MCM10: variants seen among roughly 807,000 people sequenced by gnomAD.
MCM10 encodes protein MCM10 homolog.
A neutral mutation model predicts 109.9 loss-of-function variants in MCM10; 91 were observed. That is an observed-to-expected ratio of 0.83 (90% CI 0.70 to 0.99). The LOEUF is 0.99. MCM10 is among the 50% of genes least tolerant of loss of function. The pLI is 0.00. For synonymous variants in MCM10, 380 were observed against 387.2 expected (o/e 0.98, Z 0.22); for missense variants, 1,077 against 1,061.2 (o/e 1.01, Z -0.21).
intron 16 of MCM10, among the ~76,000 whole-genome samples, chr10:13,200,687 T>A (rs1564393096): frequency 6.6e-6 from 1 of 152,210 alleles, no homozygotes; most frequent in Non-Finnish European, 1.5e-5. Context: ...CTCAGGGCTG[T>A]TCCCTGATGT....
chr10:13,202,724 C>T (rs1380839879), intron 17 of MCM10, among the ~76,000 whole-genome samples: 1 of 152,226 alleles, frequency 6.6e-6, no homozygotes, highest in Non-Finnish European at 1.5e-5. Flanking sequence ...ACAGCTCTTA[C>T]TCTGACACAG....
rs1834067847 is a variant in MCM10, at chr10:13,171,183, T to G, written c.269T>G (p.Val90Gly). ...DMEDLTDEEE[V>G]PASQSTENRV... The stretch of plus-strand genomic sequence containing the variant: ...GAGGACTTAACAGATGAAGAAGAAG[T>G]TCCCGCATCACAGTCAACTGAAAAT... Residue 90 changes from valine (V) to glycine (G), a missense_variant, in exon 3 of 20, where the codon GTT becomes GGT. Val to Gly is a moderately radical substitution (Grantham distance 109, BLOSUM62 -3). Coordinates refer to ENST00000378714, the MANE Select transcript of MCM10 (RefSeq NM_018518.5). 1.9e-6 allele frequency: 3 copies of G among 1,614,078 alleles called. No homozygotes were observed. Among genetic ancestry groups the G allele is most frequent in the Non-Finnish European group, 2.5e-6 (3 of 1,179,992 alleles).
At chr10:13,193,877 T>C (rs889813261) in intron 13 of MCM10, among the ~76,000 whole-genome samples, 1 of 152,162 alleles carries the variant, frequency 6.6e-6, no homozygotes, top group Admixed American at 6.5e-5. Context: ...TAGGATTTGA[T>C]AGGCAGTTTG....
chr10:13,170,376 TA>T (rs1397623366), intron 2 of MCM10, among the ~76,000 whole-genome samples: 1 of 150,722 alleles, frequency 6.6e-6, no homozygotes, highest in Non-Finnish European at 1.5e-5. Flanking sequence ...TTTTTTTTTT[TA>T]AATCTCAAAT....
intron 14 of MCM10, 142 bp downstream of exon 14, chr10:13,195,411 T>A (rs1834404283): frequency 1.5e-6 from 1 of 649,772 alleles, no homozygotes; most frequent in Non-Finnish European, 2.6e-6. Flanking sequence ...GTCAACATAA[T>A]ACTAAAAGAA....
intron 1 of MCM10, among the ~76,000 whole-genome samples, chr10:13,163,713 A>T (rs574906583): frequency 6.6e-6 from 1 of 152,152 alleles, no homozygotes; most frequent in Admixed American, 6.5e-5. Context: ...GTAATTTTTA[A>T]AAAAGACAAG....
Position 13,204,349 on chromosome 10 carries a change from C to T in MCM10, c.2483C>T (p.Pro828Leu), listed in dbSNP as rs148330476. The change falls in exon 18 of 20, where the codon CCG becomes CTG. Residue 828 changes from proline to leucine, a missense_variant. Transcript: ENST00000378714. ...GNRSISLDRL[P>L]NKHCSNCGLY... ...AGAAGCATCTCCTTGGACAGACTCC[C>T]GAACAAGCACTGCAGGTATGAGAAT... 1.8e-4 allele frequency: 290 copies of T among 1,614,142 alleles called. No individual in the cohort carries two copies. Among genetic ancestry groups the T allele is most frequent in the African/African-American group, 1.8e-3 (132 of 75,038 alleles).
chr10:13,192,247 T>C lies in MCM10; in HGVS notation c.1517-8T>C. 6.3e-7 allele frequency: 1 copy of C among 1,597,670 alleles called. No individual in the cohort carries two copies. On this transcript the variant is annotated splice_region_variant and splice_polypyrimidine_tract_variant and intron_variant, in intron 11 of 19. Coordinates refer to ENST00000378714, the MANE Select transcript of MCM10 (RefSeq NM_018518.5). The stretch of plus-strand genomic sequence containing the variant: ...GAATCCTCTAAAGCTGGTGTTGACC[T>C]GGCACAGGAATACCCCAGAAGAGCC...
At chr10:13,179,661 T>C (rs1834184583) in intron 6 of MCM10, among the ~76,000 whole-genome samples, 2 of 152,170 alleles carry the variant, frequency 1.3e-5, no homozygotes, top group Non-Finnish European at 2.9e-5. Flanking sequence ...ACTCAGTCAT[T>C]AGGAATAAGA....
chr10:13,202,026 G>C (rs1437721739), intron 17 of MCM10, among the ~76,000 whole-genome samples: 1 of 152,182 alleles, frequency 6.6e-6, no homozygotes, highest in Non-Finnish European at 1.5e-5. Flanking sequence ...AAATCTGTTA[G>C]AAAATTCTAA....
In MCM10 at chr10:13,164,199, C is replaced by T. The variant is rs1468156670; in HGVS notation, c.-4C>T. The T allele has an allele frequency of 6.9e-6, 11 of 1,597,718 alleles. No individual in the cohort carries two copies. Among genetic ancestry groups the T allele is most frequent in the Non-Finnish European group, 9.4e-6 (11 of 1,175,446 alleles). On this transcript the variant is annotated 5_prime_UTR_variant, in exon 2 of 20. Transcript: ENST00000378714. ...TTTCCTGTCACAACTGTCCTCTTGACAGCATGGATGGTAAGACCTGGCAGT... is the reference window on the plus strand; with the variant it reads ...TTTCCTGTCACAACTGTCCTCTTGATAGCATGGATGGTAAGACCTGGCAGT...
chr10:13,171,276 C>T lies in MCM10; in HGVS notation c.349+13C>T. 1.3e-6 allele frequency: 2 copies of T among 1,582,200 alleles called. No homozygotes were observed. The highest frequency in any genetic ancestry group is 1.7e-6 in the Non-Finnish European group (2 of 1,165,438). On this transcript the variant is annotated intron_variant, in intron 3 of 19. Transcript: ENST00000378714. Reference sequence around the variant, plus strand: ...GAAGAGTTGCAAGGTGCCCTAACTACTTGCCTTCCTTATTTCTTTCGGATA... The same window carrying T: ...GAAGAGTTGCAAGGTGCCCTAACTATTTGCCTTCCTTATTTCTTTCGGATA...
rs771509019 is a variant in MCM10, at chr10:13,186,251, G to A, written c.1186G>A (p.Gly396Arg). The A allele has an allele frequency of 1.9e-6, 3 of 1,612,478 alleles. No individual in the cohort carries two copies. Among genetic ancestry groups the A allele is most frequent in the East Asian group, 4.5e-5 (2 of 44,848 alleles). ...LGTCKAKKKN[G>R]EPCTQTVNLR... ...AACCTGTAAAGCCAAGAAGAAGAAT[G>A]GAGAGCCGTGCACGCAGACTGTGAA... The change falls in exon 9 of 20, where the codon GGA becomes AGA. Residue 396 changes from glycine to arginine, a missense_variant. Gly to Arg is a moderately radical substitution (Grantham distance 125). Coordinates refer to ENST00000378714, the MANE Select transcript of MCM10 (RefSeq NM_018518.5).
At chr10:13,208,972 A>G in intron 18 of MCM10, 119 bp from the exon 19 acceptor site, 2 of 749,910 alleles carry the variant, frequency 2.7e-6, no homozygotes, top group Non-Finnish European at 4.8e-6. Context: ...TACGAATGTC[A>G]CCTTGAACAG....
chr10:13,168,137 G>A lies in MCM10; in HGVS notation c.8-2785G>A, dbSNP rs561055881. Among the ~76,000 whole-genome samples the A allele has an allele frequency of 1.3e-4, 20 of 152,288 alleles. No homozygotes were observed. In the South Asian group the frequency reaches 3.9e-3, roughly 30 times the overall value. ...GTGGTGTGAGCCAGAGCCTCTTCCC[G>A]GGGTGTGCCCTCTTTGGCAGACGGG... is the stretch of plus-strand genomic sequence containing the variant. On this transcript the variant is annotated intron_variant, in intron 2 of 19. Coordinates refer to ENST00000378714, the MANE Select transcript of MCM10 (RefSeq NM_018518.5).
chr10:13,201,088 T>G (rs1188607928), intron 16 of MCM10, among the ~76,000 whole-genome samples: 1 of 152,136 alleles, frequency 6.6e-6, no homozygotes, highest in Non-Finnish European at 1.5e-5. Flanking sequence ...GAGGTTGCAG[T>G]AAGGTAGAGA....
intron 1 of MCM10, among the ~76,000 whole-genome samples, chr10:13,163,304 T>A (rs1833952228): frequency 6.6e-6 from 1 of 152,046 alleles, no homozygotes; most frequent in Non-Finnish European, 1.5e-5. Flanking sequence ...ACCACTGCAC[T>A]CCAGCCCCAG....
intron 16 of MCM10, among the ~76,000 whole-genome samples, chr10:13,199,912 C>T (rs1834474264): frequency 6.6e-6 from 1 of 152,156 alleles, no homozygotes. Flanking sequence ...TCTTGAACTC[C>T]TGGGCTCAAG....
At chr10:13,166,657 C>CATAT (rs1491379684) in intron 2 of MCM10, among the ~76,000 whole-genome samples, 250 of 19,950 alleles carry the variant, frequency 0.013, 5 homozygotes, top group African/African-American at 0.031. Context: ...AAAATACATA[C>CATAT]ATACATATAT....
Sources: allele counts gnomAD v4.1 joint callset (sites outside exome capture counted in the v4.1 genomes callset), GRCh38; gene constraint gnomAD v4.1.1; transcripts MANE v1.5; gene names NCBI Gene and HGNC (gene_info 2026-07-23, HGNC 2026-07-21).